AP3B1: variants seen among roughly 807,000 people sequenced by gnomAD.
AP3B1 encodes the protein AP-3 complex subunit beta-1.
A neutral mutation model predicts 132.5 loss-of-function variants in AP3B1; 61 were observed. That is an observed-to-expected ratio of 0.46 (90% confidence interval 0.37 to 0.57). The LOEUF (loss-of-function observed/expected upper bound fraction) is 0.57, where lower values mean the gene tolerates loss of function less well. Ranked by LOEUF, AP3B1 falls within the 20% of genes least tolerant of loss-of-function variation. The pLI, the probability that AP3B1 is intolerant of heterozygous loss-of-function variation, is 0.00. For missense variants in AP3B1, 1,120 were observed against 1,289.4 expected, an observed-to-expected ratio of 0.87 and a Z score of 2.01; for synonymous variants, 388 against 438.3, an observed-to-expected ratio of 0.89 and a Z score of 1.43.
chr5:78,216,294 T>C, intron 6 of AP3B1, 57 bp from the exon 7 acceptor site: 1 of 1,506,382 alleles, frequency 6.6e-7, no homozygotes, highest in African/African-American at 1.4e-5. Flanking sequence ...ACATCAAAGG[T>C]CTTACTCAGG....
chr5:78,198,914 T>G (rs1459785692), intron 7 of AP3B1, among the ~76,000 whole-genome samples: 1 of 152,238 alleles, frequency 6.6e-6, no homozygotes, highest in African/African-American at 2.4e-5. Flanking sequence ...AGAAAAAGTC[T>G]CCTTCCCCAA....
chr5:78,071,069 A>G (rs7708637), intron 22 of AP3B1, among the ~76,000 whole-genome samples: 4 of 152,224 alleles, frequency 2.6e-5, no homozygotes, highest in African/African-American at 9.6e-5. Context: ...TATATACCCA[A>G]AGGAATACAA....
intron 22 of AP3B1, chr5:78,087,799 T>A: frequency 3.4e-6 from 2 of 580,044 alleles, no homozygotes; most frequent in Non-Finnish European, 2.2e-6. Flanking sequence ...ATTAATAAAG[T>A]AGAAGAGTCT....
intron 13 of AP3B1, among the ~76,000 whole-genome samples, chr5:78,157,709 GTTTAT>G: frequency 6.6e-6 from 1 of 152,082 alleles, no homozygotes; most frequent in East Asian, 1.9e-4. Context: ...CACTACAAAG[GTTTAT>G]TTTAATATTA....
At chr5:78,213,474 A>G (rs570100826) in intron 7 of AP3B1, among the ~76,000 whole-genome samples, 2 of 152,332 alleles carry the variant, frequency 1.3e-5, no homozygotes, top group South Asian at 4.1e-4. Context: ...TAATACTGCA[A>G]TAAGGGCTGA....
intron 6 of AP3B1, among the ~76,000 whole-genome samples, chr5:78,225,016 G>A (rs1746345917): frequency 6.6e-6 from 1 of 151,996 alleles, no homozygotes; most frequent in South Asian, 2.1e-4. Flanking sequence ...AATGTTTATT[G>A]AACATTATCC....
intron 24 of AP3B1, among the ~76,000 whole-genome samples, chr5:78,025,135 G>A (rs1747287397): frequency 6.6e-6 from 1 of 152,016 alleles, no homozygotes; most frequent in Non-Finnish European, 1.5e-5. Context: ...TACTAATAGA[G>A]GTAAACAATT....
intron 17 of AP3B1, among the ~76,000 whole-genome samples, chr5:78,118,046 T>C (rs1031630374): frequency 2.6e-5 from 4 of 152,188 alleles, no homozygotes; most frequent in South Asian, 2.1e-4. Context: ...GAATGTACAA[T>C]AGAATCACCT....
chr5:78,017,054 C>G (rs1746887299), intron 25 of AP3B1, among the ~76,000 whole-genome samples: 1 of 152,060 alleles, frequency 6.6e-6, no homozygotes, highest in Admixed American at 6.6e-5. Context: ...TTTTGTCAAG[C>G]TCCTGTAAAT....
At chr5:78,257,286 C>T (rs530836003) in intron 2 of AP3B1, among the ~76,000 whole-genome samples, 1 of 152,156 alleles carries the variant, frequency 6.6e-6, no homozygotes, top group South Asian at 2.1e-4. Flanking sequence ...GACTCCACCA[C>T]AAAACTATTA....
chr5:78,230,165 T>A (rs150959352), intron 3 of AP3B1, among the ~76,000 whole-genome samples: 3 of 152,310 alleles, frequency 2.0e-5, no homozygotes, highest in African/African-American at 4.8e-5. Context: ...AAAATCCAAC[T>A]GTCCTCACGG....
At chr5:78,097,612 G>C (rs1277962061) in intron 21 of AP3B1, among the ~76,000 whole-genome samples, 2,786 of 136,884 alleles carry the variant, frequency 0.02, 274 homozygotes, top group African/African-American at 0.07. Flanking sequence ...AGGTGGGGGG[G>C]TCAGCCCCCT....
intron 1 of AP3B1, among the ~76,000 whole-genome samples, chr5:78,289,863 T>C (rs1749437283): frequency 6.6e-6 from 1 of 152,188 alleles, no homozygotes; most frequent in African/African-American, 2.4e-5. Context: ...CTACTATTCA[T>C]AATTGTGATG....
At chr5:78,080,559 C>T (rs1749951417) in intron 22 of AP3B1, among the ~76,000 whole-genome samples, 1 of 137,834 alleles carries the variant, frequency 7.3e-6, no homozygotes, top group African/African-American at 2.7e-5. Context: ...ATGGAGAATA[C>T]ATTATTCAAC....
At chr5:78,293,299 ATAG>A (rs1335795338) in intron 1 of AP3B1, among the ~76,000 whole-genome samples, 1 of 152,266 alleles carries the variant, frequency 6.6e-6, no homozygotes, top group Non-Finnish European at 1.5e-5. Flanking sequence ...CATTTTGCTA[ATAG>A]TAGAGGCAAC....
intron 20 of AP3B1, among the ~76,000 whole-genome samples, chr5:78,103,200 T>C (rs1426779401): frequency 6.6e-6 from 1 of 152,202 alleles, no homozygotes; most frequent in East Asian, 1.9e-4. Context: ...GGATCTACTA[T>C]AAAAATAAAA....
At chr5:78,229,575 C>CAAAAAAAAAAAAAA in intron 3 of AP3B1, among the ~76,000 whole-genome samples, 1 of 134,342 alleles carries the variant, frequency 7.4e-6, no homozygotes, top group Non-Finnish European at 1.6e-5. Flanking sequence ...TCTAGTAAAA[C>CAAAAAAAAAAAAAA]AAAAAAAAAA....
chr5:78,087,379 T>C (rs967087183), intron 22 of AP3B1: 5 of 263,036 alleles, frequency 1.9e-5, no homozygotes, highest in Non-Finnish European at 2.9e-5. Flanking sequence ...TTCTCAGTAC[T>C]GTTCTGAGGG....
In AP3B1 at chr5:78,139,641, C is replaced by G. The variant is rs1753060554; in HGVS notation, c.1650+1502G>C. Among the ~76,000 whole-genome samples, 6 of 151,792 alleles carry G rather than the reference C, an allele frequency of 4.0e-5. 1 individual carries two copies. In the South Asian group the frequency reaches 1.0e-3, roughly 26 times the overall value. ...ATCACGATTAGGGATGAAGATAATC[C>G]CAAAGCATATAGAAATGAATTTGAG... On this transcript the variant is annotated intron_variant, in intron 15 of 26. Transcript: ENST00000255194.
Sources: gnomAD v4.1 joint callset for allele counts (sites outside exome capture counted in the v4.1 genomes callset) on GRCh38, gnomAD v4.1.1 for gene constraint, MANE v1.5 for transcripts, NCBI Gene and HGNC (gene_info 2026-07-23, HGNC 2026-07-21) for gene names.